The following TMEM45A variants were observed in gnomAD, a reference collection of about 807,000 sequenced individuals.
The protein encoded by TMEM45A is DNA polymerase-transactivated protein 4.
Under a neutral mutation model 32.0 loss-of-function variants are expected in TMEM45A, and 25 were observed. The ratio of observed to expected loss-of-function variants is 0.78; its 90% CI spans 0.57 to 1.09. The LOEUF (loss-of-function observed/expected upper bound fraction) is 1.09. TMEM45A is among the 50% of genes least tolerant of loss of function. TMEM45A has a pLI of 0.00. For missense variants in TMEM45A, 302 were observed against 325.0 expected, an observed-to-expected ratio of 0.93 and a Z score of 0.54; for synonymous variants, 122 against 114.8, an observed-to-expected ratio of 1.06 and a Z score of -0.40.
At chr3:100,506,259 T>C (rs1311128455) in intron 1 of TMEM45A, among the ~76,000 whole-genome samples, 1 of 152,178 alleles carries the variant, frequency 6.6e-6, no homozygotes, top group South Asian at 2.1e-4. Flanking sequence ...TGCTCCATAT[T>C]TGCCTAATAA....
chr3:100,536,972 AG>A (rs1452484148), intron 1 of TMEM45A, among the ~76,000 whole-genome samples: 1 of 152,202 alleles, frequency 6.6e-6, no homozygotes, highest in Non-Finnish European at 1.5e-5. Flanking sequence ...CCCAGGCCGG[AG>A]TGCAATGGCA....
chr3:100,556,721 A>G (rs772878997), intron 2 of TMEM45A, 39 bp from the exon 3 acceptor site: 8 of 1,558,498 alleles, frequency 5.1e-6, no homozygotes, highest in Non-Finnish European at 6.1e-6. Context: ...AATTCTATGT[A>G]AAGCAGAGTT....
At chr3:100,557,023 A>G (rs753932454) in intron 3 of TMEM45A, 51 bp downstream of exon 3, 2 of 1,564,382 alleles carry the variant, frequency 1.3e-6, no homozygotes, top group Admixed American at 3.3e-5. Context: ...GTGAGCATTT[A>G]TGTAGCCCTT....
At chr3:100,528,512 A>G (rs1705589735) in intron 1 of TMEM45A, among the ~76,000 whole-genome samples, 1 of 152,192 alleles carries the variant, frequency 6.6e-6, no homozygotes. Context: ...ATCAAGGGAC[A>G]GAGGAGGAGG....
rs762725948 is a variant in TMEM45A, at chr3:100,567,808, G to A, written c.589-1014G>A. ...TTTTTCTTTTTCTTTTTTTTGAGAC[G>A]GAGACTTGCTCTGTCGCCCAGGCTG... On this transcript the variant is annotated intron_variant, in intron 4 of 5. Transcript: ENST00000323523. 5.9e-5 allele frequency among the ~76,000 whole-genome samples: 9 copies of A among 151,532 alleles called. No homozygotes were observed. In the South Asian group the frequency reaches 1.9e-3, roughly 32 times the overall value.
chr3:100,515,433 A>T (rs930424398), intron 1 of TMEM45A, among the ~76,000 whole-genome samples: 3 of 141,548 alleles, frequency 2.1e-5, no homozygotes, highest in African/African-American at 7.9e-5. Context: ...AACAATGAGA[A>T]CACATGGACA....
intron 1 of TMEM45A, among the ~76,000 whole-genome samples, chr3:100,539,495 A>ATGTATT (rs1559644614): frequency 4.2e-5 from 3 of 70,742 alleles, no homozygotes; most frequent in African/African-American, 2.2e-4. Flanking sequence ...GTATATGTAT[A>ATGTATT]CGTATACGTA....
At chr3:100,507,702 C>T (rs781009112) in intron 1 of TMEM45A, among the ~76,000 whole-genome samples, 3 of 151,848 alleles carry the variant, frequency 2.0e-5, no homozygotes, top group East Asian at 1.9e-4. Flanking sequence ...GTCTGGATGG[C>T]GAGAACAATT....
At chr3:100,519,619 C>T (rs1186039399) in intron 1 of TMEM45A, 104 of 1,550,462 alleles carry the variant, frequency 6.7e-5, no homozygotes, top group Non-Finnish European at 8.2e-5. Flanking sequence ...GTTAGTTTGG[C>T]GTTTCTGCAG....
At chr3:100,504,099 G>C (rs1424493215) in intron 1 of TMEM45A, among the ~76,000 whole-genome samples, 2 of 152,110 alleles carry the variant, frequency 1.3e-5, no homozygotes, top group East Asian at 3.9e-4. Context: ...TCCTGGGAGA[G>C]AGAAACACTG....
chr3:100,539,490 T>TGTATACGTATACGTATACGTATAC lies in TMEM45A; in HGVS notation c.-3-15713_-3-15690dup, dbSNP rs1254590126. ...ATGTATATGTATATGTATATGTATA[T>TGTATACGTATACGTATACGTATAC]GTATACGTATACGTATACGTATACG... On this transcript the variant is annotated intron_variant, in intron 1 of 5. Coordinates refer to ENST00000323523, the MANE Select transcript of TMEM45A (RefSeq NM_018004.3). Among the ~76,000 whole-genome samples the TGTATACGTATACGTATACGTATAC allele has an allele frequency of 1.8e-3, 132 of 72,410 alleles. 1 individual carries two copies. The highest frequency in any genetic ancestry group is 7.8e-3 in the South Asian group (17 of 2,174). The allele number at this position is 72,410 out of a possible 152,430, so 47.5% of individuals were successfully genotyped here.
At chr3:100,564,965 C>T (rs184316925) in intron 4 of TMEM45A, among the ~76,000 whole-genome samples, 1 of 152,348 alleles carries the variant, frequency 6.6e-6, no homozygotes, top group East Asian at 1.9e-4. Context: ...ATGTCTCAAA[C>T]TGATCTTGTT....
chr3:100,518,404 C>T (rs1395858127), intron 1 of TMEM45A, among the ~76,000 whole-genome samples: 1 of 152,176 alleles, frequency 6.6e-6, no homozygotes, highest in East Asian at 1.9e-4. Context: ...TTTTCTTCTT[C>T]TAGTACAACT....
At chr3:100,544,501 C>T (rs1705947835) in intron 1 of TMEM45A, among the ~76,000 whole-genome samples, 1 of 152,094 alleles carries the variant, frequency 6.6e-6, no homozygotes, top group African/African-American at 2.4e-5. Context: ...GAAAAGTTCC[C>T]TAATGCCCTT....
chr3:100,502,862 C>T (rs1028257182), intron 1 of TMEM45A, among the ~76,000 whole-genome samples: 1 of 152,190 alleles, frequency 6.6e-6, no homozygotes, highest in Admixed American at 6.5e-5. Context: ...AAAATCATGC[C>T]ATGGCTAAAC....
chr3:100,564,085 A>C (rs1706381682), intron 4 of TMEM45A, among the ~76,000 whole-genome samples: 1 of 152,196 alleles, frequency 6.6e-6, no homozygotes, highest in African/African-American at 2.4e-5. Context: ...GCATTACTTA[A>C]TTTTCCTGTT....
chr3:100,499,953 G>C (rs936538939), intron 1 of TMEM45A, among the ~76,000 whole-genome samples: 1 of 152,158 alleles, frequency 6.6e-6, no homozygotes, highest in Non-Finnish European at 1.5e-5. Context: ...GGCATTGGTG[G>C]CTGATAGCTA....
At chr3:100,532,239 C>T (rs1039938002) in intron 1 of TMEM45A, among the ~76,000 whole-genome samples, 1 of 152,166 alleles carries the variant, frequency 6.6e-6, no homozygotes, top group Non-Finnish European at 1.5e-5. Flanking sequence ...TTTGGTGCCT[C>T]CTGCTCTCCC....
At chr3:100,537,818 T>C (rs546498230) in intron 1 of TMEM45A, among the ~76,000 whole-genome samples, 1 of 151,832 alleles carries the variant, frequency 6.6e-6, no homozygotes, top group Admixed American at 6.6e-5. Flanking sequence ...GTGTCAGCCC[T>C]GCTGATTCAG....
Sources: gnomAD v4.1 joint callset for allele counts (sites outside exome capture counted in the v4.1 genomes callset) on GRCh38, gnomAD v4.1.1 for gene constraint, MANE v1.5 for transcripts, NCBI Gene and HGNC (gene_info 2026-07-23, HGNC 2026-07-21) for gene names.